Variants in PLCB4 observed in about 807,000 individuals in gnomAD.
PLCB4 encodes the protein 1-phosphatidylinositol 4,5-bisphosphate phosphodiesterase beta-4.
PLCB4 carries 77 observed loss-of-function variants against 178.8 expected under a neutral mutation model. The ratio of observed to expected loss-of-function variants is 0.43; its 90% CI spans 0.36 to 0.52. The LOEUF is 0.52. Ranked by LOEUF, PLCB4 falls within the 20% of genes least tolerant of loss-of-function variation. The pLI, the probability that PLCB4 is intolerant of heterozygous loss-of-function variation, is 0.00. For missense variants in PLCB4, 1,024 were observed against 1,453.4 expected (o/e 0.70, Z 4.80); for synonymous variants, 496 against 490.8 (o/e 1.01, Z -0.14).
chr20:9,421,861 A>C (rs1182801764), intron 27 of PLCB4, among the ~76,000 whole-genome samples: 1 of 152,208 alleles, frequency 6.6e-6, no homozygotes, highest in Non-Finnish European at 1.5e-5. Flanking sequence ...ATGTCACTAC[A>C]TGGGTCAGTT....
At chr20:9,281,435 G>A (rs1305880986) in intron 3 of PLCB4, among the ~76,000 whole-genome samples, 2 of 151,920 alleles carry the variant, frequency 1.3e-5, no homozygotes, top group Non-Finnish European at 2.9e-5. Flanking sequence ...CAGGTCTGTA[G>A]GCTAGGCATA....
chr20:9,452,251 A>T (rs1314223848), intron 32 of PLCB4, among the ~76,000 whole-genome samples: 1 of 152,228 alleles, frequency 6.6e-6, no homozygotes, highest in South Asian at 2.1e-4. Flanking sequence ...TTCCCCATTT[A>T]TATTTTATGA....
chr20:9,380,621 C>T (rs2037064122), intron 13 of PLCB4, among the ~76,000 whole-genome samples: 1 of 152,170 alleles, frequency 6.6e-6, no homozygotes, highest in East Asian at 1.9e-4. Context: ...AAGATAAATA[C>T]AATTGATATG....
chr20:9,439,627 G>C (rs1380268954), intron 30 of PLCB4, among the ~76,000 whole-genome samples: 1 of 152,176 alleles, frequency 6.6e-6, no homozygotes, highest in East Asian at 1.9e-4. Context: ...ATGATCCACA[G>C]GAAATAAGGA....
chr20:9,144,986 T>C (rs1054687212), intron 2 of PLCB4, among the ~76,000 whole-genome samples: 6 of 152,044 alleles, frequency 3.9e-5, no homozygotes, highest in Non-Finnish European at 8.8e-5. Context: ...GTGTTTTCAG[T>C]CTGGGATCCA....
intron 3 of PLCB4, among the ~76,000 whole-genome samples, chr20:9,223,154 C>T (rs1400744902): frequency 7.9e-5 from 12 of 151,928 alleles, no homozygotes; most frequent in African/African-American, 1.7e-4. Context: ...ATATGTATAT[C>T]GTGTGTTTTG....
At chr20:9,248,730 A>G (rs2094149953) in intron 3 of PLCB4, among the ~76,000 whole-genome samples, 1 of 152,164 alleles carries the variant, frequency 6.6e-6, no homozygotes, top group Admixed American at 6.5e-5. Context: ...TATGTCTTCA[A>G]ATTCCCTAAG....
chr20:9,410,906 C>G (rs2039810947), intron 24 of PLCB4, 131 bp from the exon 25 acceptor site: 1 of 641,984 alleles, frequency 1.6e-6, no homozygotes, highest in Non-Finnish European at 2.8e-6. Flanking sequence ...ATAGACCAAG[C>G]AGAACCTTGT....
chr20:9,457,757 G>A (rs1298878994), intron 34 of PLCB4, among the ~76,000 whole-genome samples: 5 of 151,916 alleles, frequency 3.3e-5, no homozygotes, highest in Non-Finnish European at 5.9e-5. Flanking sequence ...GAGGCATCAA[G>A]GAAAATAATA....
At chr20:9,453,236 C>A in intron 32 of PLCB4, 111 bp from the exon 33 acceptor site, 1 of 663,494 alleles carries the variant, frequency 1.5e-6, no homozygotes, top group Non-Finnish European at 2.6e-6. Flanking sequence ...TTGGTTATTC[C>A]TTGACTTTCT....
chr20:9,395,234 T>TCAGTCAC (rs2038476757), intron 18 of PLCB4, among the ~76,000 whole-genome samples: 1 of 152,206 alleles, frequency 6.6e-6, no homozygotes, highest in Admixed American at 6.5e-5. Context: ...TCACGAGGAC[T>TCAGTCAC]GAACCTCCTC....
rs184062445 is a variant in PLCB4 at position 9,098,768 on chromosome 20, T to C, written c.-79+2426T>C. Reference sequence around the variant, plus strand: ...GTGTGTGTGTGTGTGTGTGTGTATATATATATGAGACTATTTAATACATGA... The same window carrying C: ...GTGTGTGTGTGTGTGTGTGTGTATACATATATGAGACTATTTAATACATGA... On this transcript the variant is annotated intron_variant, in intron 2 of 39. Coordinates refer to ENST00000378473, the MANE Select transcript of PLCB4 (RefSeq NM_001377142.1). Among the ~76,000 whole-genome samples the C allele has an allele frequency of 5.0e-4, 75 of 149,532 alleles. No homozygotes were observed. In the East Asian group the frequency reaches 0.014, roughly 28 times the overall value.
intron 3 of PLCB4, among the ~76,000 whole-genome samples, chr20:9,222,433 GATTGTTC>G (rs147415094): frequency 0.022 from 3,368 of 152,118 alleles, 134 homozygotes; most frequent in African/African-American, 0.077. Flanking sequence ...AAAATTTCAT[GATTGTTC>G]ACCTGATGTC....
rs1487569270 is a variant in PLCB4 at position 9,480,494 on chromosome 20, T to G, written c.*1485T>G. On this transcript the variant is annotated 3_prime_UTR_variant, in exon 40 of 40. Transcript: ENST00000378473. ...CACGCATAACACTCGTCAAGAGTAT[T>G]TGCTCCCAAGACACATTCTAGCAAA... 6.6e-6 allele frequency: 1 copy of G among 152,572 alleles called. No individual in the cohort carries two copies. Among genetic ancestry groups the G allele is most frequent in the Non-Finnish European group, 1.5e-5 (1 of 68,042 alleles). The allele number at this position is 152,572 out of a possible 1,614,324, so 9.5% of individuals were successfully genotyped here. A position where few individuals can be genotyped will look rare whatever the true frequency, so the allele number is the denominator to read the frequency against.
intron 2 of PLCB4, among the ~76,000 whole-genome samples, chr20:9,109,778 G>A (rs1425532076): frequency 6.6e-6 from 1 of 152,034 alleles, no homozygotes; most frequent in Non-Finnish European, 1.5e-5. Context: ...TTCTTGCCAG[G>A]ACTGAACTGC....
At chr20:9,207,766 T>C (rs900810008) in intron 2 of PLCB4, among the ~76,000 whole-genome samples, 1 of 152,260 alleles carries the variant, frequency 6.6e-6, no homozygotes, top group Non-Finnish European at 1.5e-5. Context: ...GTTTTCATTG[T>C]TTCATAATCT....
At chr20:9,390,226 A>T (rs1395299974) in intron 16 of PLCB4, among the ~76,000 whole-genome samples, 1 of 152,222 alleles carries the variant, frequency 6.6e-6, no homozygotes, top group Non-Finnish European at 1.5e-5. Flanking sequence ...AAGTTCAGAG[A>T]TTGGGACACC....
At chr20:9,152,060 G>A (rs568925159) in intron 2 of PLCB4, among the ~76,000 whole-genome samples, 2 of 152,002 alleles carry the variant, frequency 1.3e-5, no homozygotes, top group African/African-American at 2.4e-5. Flanking sequence ...GATAATATAC[G>A]GTATCTGGTG....
intron 1 of PLCB4, among the ~76,000 whole-genome samples, chr20:9,071,244 T>C (rs1329599611): frequency 6.6e-6 from 1 of 152,192 alleles, no homozygotes; most frequent in Non-Finnish European, 1.5e-5. Context: ...CACAGCTAGT[T>C]TGCCTTTCCC....
Sources: gnomAD v4.1 joint callset for allele counts (sites outside exome capture counted in the v4.1 genomes callset) on GRCh38, gnomAD v4.1.1 for gene constraint, MANE v1.5 for transcripts, NCBI Gene and HGNC (gene_info 2026-07-23, HGNC 2026-07-21) for gene names.